DNAH12: variants seen among roughly 807,000 people sequenced by gnomAD.
The protein encoded by DNAH12 is dynein axonemal heavy chain 12.
A neutral mutation model predicts 371.5 loss-of-function variants in DNAH12; 285 were observed. The ratio of observed to expected loss-of-function variants is 0.77; its 90% confidence interval spans 0.70 to 0.85. The LOEUF (loss-of-function observed/expected upper bound fraction) is 0.85, where lower values mean the gene tolerates loss of function less well. DNAH12 is among the 40% of genes least tolerant of loss of function. The probability of loss-of-function intolerance (pLI) is 0.00; values close to 1 mark genes in which losing one functional copy is unlikely to be tolerated. For synonymous variants in DNAH12, 1,200 were observed against 1,213.0 expected (o/e 0.99, Z 0.22); for missense variants, 3,611 against 3,689.4 (o/e 0.98, Z 0.55).
chr3:57,408,942 G>A (rs1005746878), intron 39 of DNAH12, among the ~76,000 whole-genome samples: 5 of 152,020 alleles, frequency 3.3e-5, no homozygotes, highest in East Asian at 1.9e-4. Context: ...TTGTTGTACC[G>A]AAGTAATTAT....
Position 57,310,963 on chromosome 3 carries a change from A to C in DNAH12, c.10663-13T>G. 6.6e-7 allele frequency: 1 copy of C among 1,517,604 alleles called. No homozygotes were observed. Among genetic ancestry groups the C allele is most frequent in the Non-Finnish European group, 8.9e-7 (1 of 1,118,034 alleles). The allele number at this position is 1,517,604 out of a possible 1,614,324, so 94.0% of individuals were successfully genotyped here. On this transcript the variant is annotated splice_polypyrimidine_tract_variant and intron_variant, in intron 66 of 73. Transcript: ENST00000495027. ...CATTGATAAATAACTGAAGCAAAGG[A>C]AAAATGAAACAAGAAAAACCTTAAA...
chr3:57,476,550 C>T (rs1232904783), intron 13 of DNAH12, among the ~76,000 whole-genome samples: 2 of 150,288 alleles, frequency 1.3e-5, no homozygotes, highest in East Asian at 1.9e-4. Flanking sequence ...GGTGACAGAG[C>T]GAGACTCTGT....
chr3:57,333,306 G>C (rs1311019060), intron 62 of DNAH12, among the ~76,000 whole-genome samples: 1 of 139,924 alleles, frequency 7.1e-6, no homozygotes, highest in African/African-American at 3.0e-5. Flanking sequence ...ACCGTGCCCG[G>C]ATACATGTTC....
At chr3:57,543,763 T>C (rs2069403136) in intron 1 of DNAH12, among the ~76,000 whole-genome samples, 1 of 151,236 alleles carries the variant, frequency 6.6e-6, no homozygotes, top group South Asian at 2.1e-4. Flanking sequence ...AATTTTACTG[T>C]GGGCCAGGCG....
At chr3:57,398,380 A>C (rs947614962) in intron 43 of DNAH12, among the ~76,000 whole-genome samples, 1 of 152,242 alleles carries the variant, frequency 6.6e-6, no homozygotes, top group Admixed American at 6.5e-5. Context: ...TTTTCAAGAA[A>C]TAATGACTGA....
chr3:57,523,818 AGGT>A lies in DNAH12; in HGVS notation c.234_236del (p.Pro79del). 1 of 1,601,818 alleles carries A rather than the reference AGGT, an allele frequency of 6.2e-7. No homozygotes were observed. Among genetic ancestry groups the A allele is most frequent in the Non-Finnish European group, 8.5e-7 (1 of 1,175,860 alleles). ...ATAAACTTACAGTTTGAGGATAATC[AGGT>A]GGTGGTAATAGAGGTGTTCTTTTAC... On this transcript the variant is annotated inframe_deletion, in exon 3 of 74. Coordinates refer to ENST00000495027, the MANE Select transcript of DNAH12 (RefSeq NM_001366028.2).
At chr3:57,403,609 A>C in intron 42 of DNAH12, 108 bp from the exon 43 acceptor site, 1 of 1,003,584 alleles carries the variant, frequency 1.0e-6, no homozygotes, top group Non-Finnish European at 1.4e-6. Context: ...CTGCTGTCCC[A>C]TATGTTACTA....
intron 62 of DNAH12, among the ~76,000 whole-genome samples, chr3:57,330,471 C>T (rs867087567): frequency 5.3e-5 from 8 of 150,310 alleles, no homozygotes; most frequent in Middle Eastern, 6.8e-3. Flanking sequence ...GGACAAAAAA[C>T]CAAACACTGC....
chr3:57,407,273 CAA>C (rs1462218034), intron 40 of DNAH12, among the ~76,000 whole-genome samples: 41 of 71,140 alleles, frequency 5.8e-4, no homozygotes, highest in African/African-American at 2.5e-3. Flanking sequence ...TATAATGCTT[CAA>C]AGACAGAAAA....
intron 55 of DNAH12, among the ~76,000 whole-genome samples, chr3:57,371,385 G>C (rs895413970): frequency 1.3e-5 from 2 of 151,804 alleles, no homozygotes; most frequent in African/African-American, 2.4e-5. Flanking sequence ...TTTGATTTTA[G>C]GCTATTAATG....
intron 25 of DNAH12, among the ~76,000 whole-genome samples, chr3:57,449,781 G>A (rs1252386222): frequency 6.6e-6 from 1 of 152,216 alleles, no homozygotes; most frequent in Non-Finnish European, 1.5e-5. Flanking sequence ...GGCCAGCCCA[G>A]AAAGGGGCTC....
At chr3:57,445,035 CA>C in intron 28 of DNAH12, 138 bp downstream of exon 28, 1 of 1,192,718 alleles carries the variant, frequency 8.4e-7, no homozygotes, top group Non-Finnish European at 1.1e-6. Flanking sequence ...CAACATAACC[CA>C]AAAAACCATC....
intron 11 of DNAH12, among the ~76,000 whole-genome samples, chr3:57,492,495 T>C (rs540489271): frequency 7.2e-4 from 110 of 152,078 alleles, no homozygotes; most frequent in African/African-American, 2.5e-3. Context: ...AATAAATAAG[T>C]TCATCTGTAC....
At chr3:57,351,435 G>A (rs1445119613) in intron 60 of DNAH12, among the ~76,000 whole-genome samples, 2 of 152,134 alleles carry the variant, frequency 1.3e-5, no homozygotes, top group African/African-American at 4.8e-5. Context: ...AGAAACGTGT[G>A]CACATGTGCC....
intron 62 of DNAH12, among the ~76,000 whole-genome samples, chr3:57,331,348 A>G (rs1000812948): frequency 5.9e-5 from 9 of 152,206 alleles, no homozygotes; most frequent in African/African-American, 2.2e-4. Flanking sequence ...TTCGTCATGA[A>G]CAAGGGAGGC....
At chr3:57,305,838 C>T (rs1473594598) in intron 69 of DNAH12, among the ~76,000 whole-genome samples, 6 of 152,132 alleles carry the variant, frequency 3.9e-5, no homozygotes, top group Admixed American at 3.9e-4. Flanking sequence ...GTTGCAATTC[C>T]TTGCCTCCAC....
rs1218287838 is a variant in DNAH12, at chr3:57,452,920, T to C, written c.3709A>G (p.Lys1237Glu). ...TTACCAAGATATTCATAAGCATATT[T>C]TACATTGCAATTAATGATACGAACT... Reference protein sequence around the residue: ...ARVRIINCNVKYAYEYLGNSP... With the variant: ...ARVRIINCNVEYAYEYLGNSP... The change falls in exon 25 of 74, where the codon AAA becomes GAA. Residue 1237 changes from lysine (K) to glutamate (E), a missense_variant. By Grantham distance (56) the Lys-to-Glu change is moderately conservative. This residue lies in a region of DNAH12 where 2,266 missense variants were observed against 2,236.9 expected (regional missense o/e 1.01). Coordinates refer to ENST00000495027, the MANE Select transcript of DNAH12 (RefSeq NM_001366028.2). 6.4e-7 allele frequency: 1 copy of C among 1,551,336 alleles called. No homozygotes were observed. The highest frequency in any genetic ancestry group is 8.7e-7 in the Non-Finnish European group (1 of 1,146,946).
At chr3:57,510,698 A>T in intron 5 of DNAH12, 92 bp downstream of exon 5, 1 of 1,079,802 alleles carries the variant, frequency 9.3e-7, no homozygotes, top group Non-Finnish European at 1.4e-6. Flanking sequence ...CATAGTGTTC[A>T]TTACTCATTT....
intron 60 of DNAH12, among the ~76,000 whole-genome samples, chr3:57,348,692 A>C (rs909849438): frequency 1.3e-4 from 20 of 152,214 alleles, no homozygotes; most frequent in African/African-American, 4.3e-4. Flanking sequence ...GAAAACTATG[A>C]AACATTATAG....
Sources: gnomAD v4.1 joint callset for allele counts (sites outside exome capture counted in the v4.1 genomes callset) on GRCh38, gnomAD v4.1.1 for gene constraint, gnomAD v4.1.1 regional missense constraint, MANE v1.5 for transcripts, NCBI Gene and HGNC (gene_info 2026-07-23, HGNC 2026-07-21) for gene names.